Variants in ATP1A2 observed in about 807,000 individuals in gnomAD.
ATP1A2 encodes ATPase Na+/K+ transporting subunit alpha 2.
A neutral mutation model predicts 113.1 loss-of-function variants in ATP1A2; 56 were observed. That is an observed-to-expected ratio of 0.49 (90% CI 0.40 to 0.62). The LOEUF (loss-of-function observed/expected upper bound fraction) is 0.62. Among genes scored for constraint, ATP1A2 ranks in the 20% least tolerant of loss-of-function variants. The probability of loss-of-function intolerance (pLI) is 0.00; values close to 1 mark genes in which losing one functional copy is unlikely to be tolerated. For synonymous variants in ATP1A2, 490 were observed against 526.8 expected (o/e 0.93, Z 0.96); for missense variants, 712 against 1,357.8 (o/e 0.52, Z 7.47).
chr1:160,133,079 C>A (rs370673667), intron 13 of ATP1A2, among the ~76,000 whole-genome samples: 2 of 152,008 alleles, frequency 1.3e-5, no homozygotes, highest in South Asian at 4.1e-4. Context: ...AACTTGAGCC[C>A]CTCATTCAAC....
intron 6 of ATP1A2, 43 bp from the exon 7 acceptor site, chr1:160,125,093 G>C: frequency 6.5e-7 from 1 of 1,533,176 alleles, no homozygotes; most frequent in South Asian, 1.1e-5. Flanking sequence ...GTGCATACAA[G>C]TGGCTCTGCC....
In ATP1A2 at chr1:160,135,974, T is replaced by C; in HGVS notation, c.2420T>C (p.Ile807Thr). Residue 807 changes from isoleucine to threonine, a missense_variant, in exon 17 of 23, where the codon ATT becomes ACT. Around this residue, in one of 6 missense-constraint regions of ATP1A2, gnomAD observed 188 missense variants for 438.9 expected, o/e 0.43. Transcript: ENST00000361216. The surrounding 1 kb of genome is among the most constrained non-coding windows in gnomAD (Gnocchi z 6.3). Reference protein sequence around the residue: ...LPLGTVTILCIDLGTDMVPAI... With the variant: ...LPLGTVTILCTDLGTDMVPAI... ...CTGGGCACTGTGACCATCCTTTGCA[T>C]TGACCTGGGCACAGATATGGTGAGC... 2 of 1,613,848 alleles carry C rather than the reference T, an allele frequency of 1.2e-6. No homozygotes were observed. The highest frequency in any genetic ancestry group is 1.7e-6 in the Non-Finnish European group (2 of 1,179,958).
At chr1:160,128,356 T>C in intron 8 of ATP1A2, 1 of 691,028 alleles carries the variant, frequency 1.4e-6, no homozygotes, top group Non-Finnish European at 2.5e-6. Flanking sequence ...CTCCTCCCAG[T>C]TTGCAGTGTC....
Position 160,143,236 on chromosome 1 carries a change from G to A in ATP1A2, c.*1914G>A, listed in dbSNP as rs1652208918. ...GTAAGGGAGTCATTGCCTTGGGCCT[G>A]GGAATCTAAGTGGGAGACAATATTA... On this transcript the variant is annotated 3_prime_UTR_variant, in exon 23 of 23. Transcript: ENST00000361216. 6.6e-6 allele frequency: 1 copy of A among 152,228 alleles called. No homozygotes were observed. Among genetic ancestry groups the A allele is most frequent in the African/African-American group, 2.4e-5 (1 of 41,440 alleles). The allele number at this position is 152,228 out of a possible 1,614,324, so 9.4% of individuals were successfully genotyped here.
chr1:160,125,279 G>A (rs758067672), intron 7 of ATP1A2, 26 bp downstream of exon 7: 17 of 1,583,992 alleles, frequency 1.1e-5, no homozygotes, highest in Non-Finnish European at 1.4e-5. Context: ...GCCCCCTGTA[G>A]GAAAGAGTCT....
chr1:160,141,206 G>A, intron 22 of ATP1A2, 88 bp from the exon 23 acceptor site: 2 of 1,535,014 alleles, frequency 1.3e-6, no homozygotes, highest in Non-Finnish European at 1.8e-6. Flanking sequence ...CCTTCCACCT[G>A]GCTTCAGCGA....
rs1185075478 is a variant in ATP1A2, at chr1:160,129,075, A to G, written c.1312A>G (p.Ile438Val). The G allele has an allele frequency of 1.2e-6, 2 of 1,613,862 alleles. No individual in the cohort carries two copies. The highest frequency in any genetic ancestry group is 1.1e-5 in the South Asian group (1 of 91,036). ...RAVFKAGQEN[I>V]SVSKRDTAGD... ...CGTCTTCAAGGCAGGACAGGAGAACATCTCCGTGTCTAAGGTAGGGGGTCA... is the reference window on the plus strand; with the variant it reads ...CGTCTTCAAGGCAGGACAGGAGAACGTCTCCGTGTCTAAGGTAGGGGGTCA... The change falls in exon 10 of 23, where the codon ATC (isoleucine) becomes GTC (valine). Residue 438 changes from isoleucine to valine, a missense_variant. By Grantham distance (29) the Ile-to-Val change is conservative. This residue lies in a region of ATP1A2 where 263 missense variants were observed against 380.6 expected (regional missense o/e 0.69). Coordinates refer to ENST00000361216, the MANE Select transcript of ATP1A2 (RefSeq NM_000702.4).
chr1:160,130,521 G>A lies in ATP1A2; in HGVS notation c.1751G>A (p.Gly584Glu), dbSNP rs1330615376. The change falls in exon 13 of 23, where the codon GGG (glycine) becomes GAG (glutamate). Residue 584 changes from glycine to glutamate, a missense_variant. By Grantham distance (98) the Gly-to-Glu change is moderately conservative. Around this residue, in one of 6 missense-constraint regions of ATP1A2, gnomAD observed 263 missense variants for 380.6 expected, o/e 0.69. Transcript: ENST00000361216. ...CCCACGGAGAAGCTTTGCTTTGTGGGGCTCATGTCTATGATTGACCCTCCC... is the reference window on the plus strand; with the variant it reads ...CCCACGGAGAAGCTTTGCTTTGTGGAGCTCATGTCTATGATTGACCCTCCC... ...NFPTEKLCFV[G>E]LMSMIDPPRA... 1 of 1,614,224 alleles carries A rather than the reference G, an allele frequency of 6.2e-7. No individual in the cohort carries two copies. The highest frequency in any genetic ancestry group is 1.7e-5 in the Admixed American group (1 of 60,030).
chr1:160,140,474 C>T (rs924194791), intron 22 of ATP1A2, among the ~76,000 whole-genome samples: 3 of 152,170 alleles, frequency 2.0e-5, no homozygotes, highest in African/African-American at 7.2e-5. Context: ...AAACCAAATA[C>T]TGTCCAGGAA....
intron 17 of ATP1A2, 68 bp downstream of exon 17, chr1:160,136,061 G>A (rs374894812): frequency 6.2e-7 from 1 of 1,612,708 alleles, no homozygotes; most frequent in South Asian, 1.1e-5. Context: ...GGGAGGAGAG[G>A]TGCACTGGGG....
chr1:160,127,567 T>C lies in ATP1A2; in HGVS notation c.764T>C (p.Ile255Thr), dbSNP rs148666791. The change falls in exon 8 of 23, where the codon ATT becomes ACT. Residue 255 changes from isoleucine (I) to threonine (T), a missense_variant. Physicochemically the swap from Ile to Thr is moderately conservative, Grantham distance 89. Transcript: ENST00000361216. ...TNCVEGTARG[I>T]VIATGDRTVM... ...CATGTTGCAGGCACTGCCAGGGGCA[T>C]TGTGATTGCCACAGGAGACCGGACG... 18 of 1,614,090 alleles carry C rather than the reference T, an allele frequency of 1.1e-5. No individual in the cohort carries two copies. Among genetic ancestry groups the C allele is most frequent in the Non-Finnish European group, 1.5e-5 (18 of 1,180,036 alleles).
Position 160,141,414 on chromosome 1 carries a change from C to T in ATP1A2, c.*92C>T, listed in dbSNP as rs920738135. On this transcript the variant is annotated 3_prime_UTR_variant, in exon 23 of 23. Coordinates refer to ENST00000361216, the MANE Select transcript of ATP1A2 (RefSeq NM_000702.4). ...GGAGAGGGATGGAAATAACGGGTGG[C>T]ATTGGGTGGCAACATTTGGGGAGAG... 6.5e-7 allele frequency: 1 copy of T among 1,527,950 alleles called. No individual in the cohort carries two copies. 94.6% of individuals were successfully genotyped at this position (1,527,950 alleles called of 1,614,324 possible).
chr1:160,137,213 C>T, intron 20 of ATP1A2, 182 bp downstream of exon 20: 5 of 997,386 alleles, frequency 5.0e-6, no homozygotes, highest in South Asian at 3.1e-5. Context: ...GCTTCAGGCT[C>T]CTAATTTTGC....
rs536572019 is a variant in ATP1A2 at position 160,118,059 on chromosome 1, G to T, written c.12+2186G>T. On this transcript the variant is annotated intron_variant, in intron 1 of 22. Coordinates refer to ENST00000361216, the MANE Select transcript of ATP1A2 (RefSeq NM_000702.4). The stretch of plus-strand genomic sequence containing the variant: ...CCTGGCTGCAGAGCCTGAGATCTTT[G>T]CCAGGACAGGAGGAGGGGGAAGGGG... 2.9e-3 allele frequency among the ~76,000 whole-genome samples: 448 copies of T among 152,152 alleles called. 1 individual carries two copies. The highest frequency in any genetic ancestry group is 5.1e-3 in the Non-Finnish European group (345 of 67,958).
chr1:160,134,044 C>G (rs377664095), intron 13 of ATP1A2, among the ~76,000 whole-genome samples: 1 of 151,072 alleles, frequency 6.6e-6, no homozygotes, highest in Non-Finnish European at 1.5e-5. Context: ...ACACATCCCA[C>G]ACACACACAT....
chr1:160,120,461 A>G (rs1282915542), intron 1 of ATP1A2, among the ~76,000 whole-genome samples: 2 of 152,070 alleles, frequency 1.3e-5, no homozygotes, highest in African/African-American at 2.4e-5. Context: ...TAAAATTGCC[A>G]TGGTGTTGGG....
rs1652178428 is a variant in ATP1A2 at position 160,142,328 on chromosome 1, T to A, written c.*1006T>A. ...CCCTTTCTTTTCATGCCCATCCCGATGAACCTGCATCATTCCCCGACACTG... is the reference window on the plus strand; with the variant it reads ...CCCTTTCTTTTCATGCCCATCCCGAAGAACCTGCATCATTCCCCGACACTG... On this transcript the variant is annotated 3_prime_UTR_variant, in exon 23 of 23. Coordinates refer to ENST00000361216, the MANE Select transcript of ATP1A2 (RefSeq NM_000702.4). 6.6e-6 allele frequency: 1 copy of A among 152,264 alleles called. No individual in the cohort carries two copies. The highest frequency in any genetic ancestry group is 2.1e-4 in the South Asian group (1 of 4,828). 9.4% of individuals were successfully genotyped at this position (152,264 alleles called of 1,614,324 possible).
rs1201491748 is a variant in ATP1A2, at chr1:160,125,200, A to T, written c.695A>T (p.Glu232Val). Reference protein sequence around the residue: ...PQTRSPEFTHENPLETRNICF... With the variant: ...PQTRSPEFTHVNPLETRNICF... ...ACCCGCTCCCCCGAGTTCACCCATGAGAACCCCCTGGAGACCCGCAATATC... is the reference window on the plus strand; with the variant it reads ...ACCCGCTCCCCCGAGTTCACCCATGTGAACCCCCTGGAGACCCGCAATATC... The change falls in exon 7 of 23, where the codon GAG becomes GTG. Residue 232 changes from glutamate to valine, a missense_variant. Physicochemically the swap from Glu to Val is moderately radical, Grantham distance 121 (BLOSUM62 -2). Coordinates refer to ENST00000361216, the MANE Select transcript of ATP1A2 (RefSeq NM_000702.4). The T allele has an allele frequency of 1.2e-6, 2 of 1,614,174 alleles. No homozygotes were observed. Among genetic ancestry groups the T allele is most frequent in the Non-Finnish European group, 1.7e-6 (2 of 1,180,032 alleles).
rs1651894187 is a variant in ATP1A2, at chr1:160,135,138, C to A, written c.1965-7C>A. 1.9e-6 allele frequency: 3 copies of A among 1,613,912 alleles called. No homozygotes were observed. The highest frequency in any genetic ancestry group is 4.5e-5 in the East Asian group (2 of 44,858). ...GTCAGCTGTCTCTGTCCCCACCCAC[C>A]CTCCAGAGAAGCCAAGGCATGCGTG... On this transcript the variant is annotated splice_region_variant and splice_polypyrimidine_tract_variant and intron_variant, in intron 14 of 22. Coordinates refer to ENST00000361216, the MANE Select transcript of ATP1A2 (RefSeq NM_000702.4). The surrounding 1 kb of genome is among the most constrained non-coding windows in gnomAD (Gnocchi z 6.3).
Sources: allele counts gnomAD v4.1 joint callset (sites outside exome capture counted in the v4.1 genomes callset), GRCh38; gene constraint gnomAD v4.1.1; regional missense constraint gnomAD v4.1.1; non-coding constraint Gnocchi (gnomAD v3.1); transcripts MANE v1.5; gene names NCBI Gene and HGNC (gene_info 2026-07-23, HGNC 2026-07-21).